OSBPL10: variants seen among roughly 807,000 people sequenced by gnomAD.
OSBPL10 encodes oxysterol-binding protein-related protein 10.
In OSBPL10, 49 loss-of-function variants were observed where a neutral mutation model predicts 81.7. The ratio of observed to expected loss-of-function variants is 0.60; its 90% CI spans 0.48 to 0.76. The LOEUF (loss-of-function observed/expected upper bound fraction) is 0.76, where lower values mean the gene tolerates loss of function less well. Among genes scored for constraint, OSBPL10 ranks in the 30% least tolerant of loss-of-function variants. OSBPL10 has a pLI of 0.00. For synonymous variants in OSBPL10, 419 were observed against 383.6 expected, an observed-to-expected ratio of 1.09 and a Z score of -1.08; for missense variants, 923 against 987.8, an observed-to-expected ratio of 0.93 and a Z score of 0.88.
chr3:31,683,579 A>C, intron 8 of OSBPL10, 55 bp downstream of exon 8: 1 of 1,558,486 alleles, frequency 6.4e-7, no homozygotes, highest in South Asian at 1.2e-5. Flanking sequence ...ATCATCTACC[A>C]GGTATAGAAA....
At chr3:31,734,335 T>C (rs2125669416) in intron 5 of OSBPL10, among the ~76,000 whole-genome samples, 1 of 152,212 alleles carries the variant, frequency 6.6e-6, no homozygotes, top group African/African-American at 2.4e-5. Flanking sequence ...TTTACTCTAA[T>C]TTTTTTTAAG....
At chr3:32,054,635 G>A (rs541170589) in intron 1 of OSBPL10, among the ~76,000 whole-genome samples, 4 of 139,100 alleles carry the variant, frequency 2.9e-5, no homozygotes, top group Admixed American at 1.7e-4. Flanking sequence ...AGGTTCAAAC[G>A]ATTCTCCTGC....
At chr3:31,770,437 C>T (rs577946350) in intron 4 of OSBPL10, among the ~76,000 whole-genome samples, 1 of 152,260 alleles carries the variant, frequency 6.6e-6, no homozygotes, top group African/African-American at 2.4e-5. Flanking sequence ...GTTTGAGAAA[C>T]AGGAGTCCAT....
chr3:32,068,312 T>C (rs1007441850), intron 1 of OSBPL10, among the ~76,000 whole-genome samples: 1 of 152,190 alleles, frequency 6.6e-6, no homozygotes, highest in African/African-American at 2.4e-5. Context: ...ACCGCAGGGA[T>C]GCCTGCCTTG....
chr3:31,664,495 A>G (rs1225913652), intron 10 of OSBPL10: 3 of 566,958 alleles, frequency 5.3e-6, no homozygotes, highest in Non-Finnish European at 9.4e-6. Context: ...ATCAAATCTA[A>G]TAGTAGTAGT....
At chr3:31,901,279 T>A (rs1024932722) in intron 1 of OSBPL10, among the ~76,000 whole-genome samples, 2 of 152,236 alleles carry the variant, frequency 1.3e-5, no homozygotes, top group East Asian at 3.8e-4. Context: ...AATCCTTCAA[T>A]GGCTTCCATT....
chr3:31,997,517 C>A (rs895521872), intron 2 of OSBPL10, among the ~76,000 whole-genome samples: 3 of 151,926 alleles, frequency 2.0e-5, no homozygotes, highest in African/African-American at 7.3e-5. Context: ...CCCGCTTCAG[C>A]CTCCCAAAAT....
intron 5 of OSBPL10, among the ~76,000 whole-genome samples, chr3:31,743,819 TC>T (rs1697433454): frequency 6.6e-6 from 1 of 152,206 alleles, no homozygotes; most frequent in Non-Finnish European, 1.5e-5. Context: ...GATTTTGATT[TC>T]CATCAGCCCA....
chr3:31,980,883 G>C lies in OSBPL10; in HGVS notation c.281+16C>G. ...CACACAGCGGCGCGCGGTGGCGCGGGCGGCTGGCGCGTTACCTGTTCTGCC... is the reference window on the plus strand; with the variant it reads ...CACACAGCGGCGCGCGGTGGCGCGGCCGGCTGGCGCGTTACCTGTTCTGCC... On this transcript the variant is annotated intron_variant, in intron 1 of 11. Coordinates refer to ENST00000396556, the MANE Select transcript of OSBPL10 (RefSeq NM_017784.5). 1 of 1,552,822 alleles carries C rather than the reference G, an allele frequency of 6.4e-7. No individual in the cohort carries two copies.
chr3:31,968,507 A>AG (rs1227532783), intron 1 of OSBPL10, among the ~76,000 whole-genome samples: 4 of 122,694 alleles, frequency 3.3e-5, no homozygotes, highest in Non-Finnish European at 6.3e-5. Flanking sequence ...TCTATTTTGA[A>AG]GGGGAAAAAA....
In OSBPL10 at chr3:32,057,289, A is replaced by G. The variant is rs1180790284; in HGVS notation, n.186-10686T>C. Among the ~76,000 whole-genome samples, 6 of 150,840 alleles carry G rather than the reference A, an allele frequency of 4.0e-5. No individual in the cohort carries two copies. The South Asian group carries it at 6.3e-4, about 16-fold the overall frequency. On this transcript the variant is annotated intron_variant and non_coding_transcript_variant, in intron 1 of 3. Transcript: ENST00000479173. The stretch of plus-strand genomic sequence containing the variant: ...ATTTCACTTTATAGACTTGCCCCCA[A>G]TTTTTTTTTGCGTGAGGTTTAAGAA...
chr3:31,693,754 T>G (rs1695627259), intron 7 of OSBPL10, among the ~76,000 whole-genome samples: 1 of 152,190 alleles, frequency 6.6e-6, no homozygotes. Flanking sequence ...ACTTGTTATC[T>G]GGTCTTTTAT....
At chr3:31,850,026 G>T (rs1017234086) in intron 3 of OSBPL10, among the ~76,000 whole-genome samples, 1 of 152,160 alleles carries the variant, frequency 6.6e-6, no homozygotes, top group Non-Finnish European at 1.5e-5. Flanking sequence ...TTAGCTGGGT[G>T]TGGTGGTGCA....
At chr3:32,037,090 A>G (rs1267804107) in intron 2 of OSBPL10, among the ~76,000 whole-genome samples, 1 of 152,198 alleles carries the variant, frequency 6.6e-6, no homozygotes, top group Non-Finnish European at 1.5e-5. Flanking sequence ...GCCCAGGGGC[A>G]TCTTGGGAGA....
intron 11 of OSBPL10, 132 bp downstream of exon 11, chr3:31,663,947 G>A (rs751545827): frequency 6.9e-6 from 11 of 1,594,224 alleles, no homozygotes; most frequent in African/African-American, 5.4e-5. Context: ...AGTCAGAACC[G>A]AGCTGCCCTA....
intron 6 of OSBPL10, among the ~76,000 whole-genome samples, chr3:31,718,447 G>C (rs1696524161): frequency 6.6e-6 from 1 of 152,124 alleles, no homozygotes; most frequent in Admixed American, 6.5e-5. Flanking sequence ...CATTTCTGTA[G>C]CATAAAATAA....
intron 5 of OSBPL10, among the ~76,000 whole-genome samples, chr3:31,743,905 CCTGAGAG>C (rs1299645535): frequency 7.9e-5 from 12 of 152,180 alleles, no homozygotes; most frequent in African/African-American, 2.4e-4. Context: ...AACTATCAAC[CCTGAGAG>C]CCCCAAGTGT....
At chr3:32,010,924 A>G (rs1699250270) in intron 2 of OSBPL10, among the ~76,000 whole-genome samples, 1 of 152,202 alleles carries the variant, frequency 6.6e-6, no homozygotes, top group Non-Finnish European at 1.5e-5. Flanking sequence ...AGGCTTGAGT[A>G]GGTAAACAAA....
At chr3:31,724,153 G>C (rs929123592) in intron 6 of OSBPL10, among the ~76,000 whole-genome samples, 2 of 152,182 alleles carry the variant, frequency 1.3e-5, no homozygotes, top group African/African-American at 2.4e-5. Context: ...AAGAGAAAAG[G>C]GGAAGGAGGA....
Sources: allele counts gnomAD v4.1 joint callset (sites outside exome capture counted in the v4.1 genomes callset), GRCh38; gene constraint gnomAD v4.1.1; transcripts MANE v1.5; gene names NCBI Gene and HGNC (gene_info 2026-07-23, HGNC 2026-07-21).